The following MEF2A variants were observed in gnomAD, a reference collection of about 807,000 sequenced individuals.
MEF2A encodes myocyte enhancer factor 2A, also known as myocyte-specific enhancer factor 2A.
Under a neutral mutation model 55.8 loss-of-function variants are expected in MEF2A, and 28 were observed. The ratio of observed to expected loss-of-function variants is 0.50; its 90% CI spans 0.37 to 0.69. The LOEUF is 0.69. Among genes scored for constraint, MEF2A ranks in the 30% least tolerant of loss-of-function variants. MEF2A has a pLI of 0.00. For synonymous variants in MEF2A, 239 were observed against 227.1 expected (o/e 1.05, Z -0.47); for missense variants, 528 against 626.2 (o/e 0.84, Z 1.67).
intron 1 of MEF2A, among the ~76,000 whole-genome samples, chr15:99,575,339 C>T (rs1298600068): frequency 6.6e-6 from 1 of 151,968 alleles, no homozygotes; most frequent in Non-Finnish European, 1.5e-5. Flanking sequence ...TGAAACAGTT[C>T]TTCAGCCTTT....
At chr15:99,595,855 A>G (rs934266738) in intron 1 of MEF2A, among the ~76,000 whole-genome samples, 2 of 152,316 alleles carry the variant, frequency 1.3e-5, no homozygotes, top group Admixed American at 6.5e-5. Flanking sequence ...AGTCTCAGCA[A>G]TGGCTTGTTG....
At chr15:99,699,980 G>T (rs1567483180) in intron 8 of MEF2A, among the ~76,000 whole-genome samples, 1 of 99,044 alleles carries the variant, frequency 1.0e-5, no homozygotes, top group African/African-American at 2.9e-5. Flanking sequence ...GTGTGTGTGT[G>T]TGTGTATATA....
rs142835105 is a variant in MEF2A, at chr15:99,691,487, C to T, written c.858+1059C>T. On this transcript the variant is annotated intron_variant, in intron 8 of 11. Transcript: ENST00000557942. ...CCAGGGCGGGCGGATCACCTGAGGTCAGGAGTTCAAGACCAGCCTGGCCAA... is the reference window on the plus strand; with the variant it reads ...CCAGGGCGGGCGGATCACCTGAGGTTAGGAGTTCAAGACCAGCCTGGCCAA... Among the ~76,000 whole-genome samples, 398 of 152,136 alleles carry T rather than the reference C, an allele frequency of 2.6e-3. 6 individuals carry two copies. In the East Asian group the frequency reaches 0.029, roughly 11 times the overall value.
chr15:99,704,976 TATAAAC>T (rs2057852743), intron 9 of MEF2A, among the ~76,000 whole-genome samples: 1 of 152,208 alleles, frequency 6.6e-6, no homozygotes, highest in Non-Finnish European at 1.5e-5. Context: ...CCTAAAAACT[TATAAAC>T]AGCCATTTAT....
At chr15:99,644,076 T>A (rs1419854466) in intron 3 of MEF2A, among the ~76,000 whole-genome samples, 2 of 152,238 alleles carry the variant, frequency 1.3e-5, no homozygotes, top group Non-Finnish European at 2.9e-5. Flanking sequence ...TTCAGTTTAC[T>A]AGCTAACAGA....
At chr15:99,634,636 G>A (rs1170664502) in intron 3 of MEF2A, among the ~76,000 whole-genome samples, 1 of 152,206 alleles carries the variant, frequency 6.6e-6, no homozygotes, top group Non-Finnish European at 1.5e-5. Flanking sequence ...CCTACCTATG[G>A]AAGGGATTCA....
At chr15:99,696,420 GA>G (rs560385775) in intron 8 of MEF2A, among the ~76,000 whole-genome samples, 27 of 152,190 alleles carry the variant, frequency 1.8e-4, no homozygotes, top group African/African-American at 5.8e-4. Context: ...TGGCCATAAG[GA>G]AATCAAACTA....
At chr15:99,569,939 A>G (rs67074319) in intron 1 of MEF2A, among the ~76,000 whole-genome samples, 9,250 of 151,858 alleles carry the variant, frequency 0.061, 359 homozygotes, top group East Asian at 0.18. Flanking sequence ...CCATTTGTTA[A>G]TTAGTAAATC....
intron 5 of MEF2A, 23 bp from the exon 6 acceptor site, chr15:99,674,370 T>G: frequency 6.4e-7 from 1 of 1,574,464 alleles, no homozygotes; most frequent in Non-Finnish European, 8.6e-7. Flanking sequence ...AACAGTTTTT[T>G]CCTTCTTTTT....
chr15:99,630,333 T>C (rs920059491), intron 2 of MEF2A, among the ~76,000 whole-genome samples: 1 of 152,152 alleles, frequency 6.6e-6, no homozygotes, highest in Non-Finnish European at 1.5e-5. Context: ...TTTCCTGTCT[T>C]CTGGGTTGAT....
At chr15:99,620,842 TC>T (rs1453687262) in intron 2 of MEF2A, 1 of 144,568 alleles carries the variant, frequency 6.9e-6, no homozygotes, top group African/African-American at 2.5e-5. Context: ...CTCACAAACA[TC>T]TTTTTTTTTT....
At chr15:99,699,247 G>A (rs2056998046) in intron 8 of MEF2A, among the ~76,000 whole-genome samples, 1 of 152,126 alleles carries the variant, frequency 6.6e-6, no homozygotes. Context: ...ATAAAGAAAT[G>A]CTACTCAGCA....
At chr15:99,599,537 C>G (rs147258293) in intron 2 of MEF2A, among the ~76,000 whole-genome samples, 4 of 152,118 alleles carry the variant, frequency 2.6e-5, no homozygotes, top group African/African-American at 9.6e-5. Context: ...ATTCTGACAT[C>G]AGTTTCATAT....
At chr15:99,612,059 T>G (rs1485125315) in intron 2 of MEF2A, among the ~76,000 whole-genome samples, 1 of 152,080 alleles carries the variant, frequency 6.6e-6, no homozygotes, top group African/African-American at 2.4e-5. Flanking sequence ...CTTTTTGGGA[T>G]GATAAAAATG....
intron 2 of MEF2A, among the ~76,000 whole-genome samples, chr15:99,610,661 AT>A (rs922600827): frequency 5.3e-5 from 8 of 151,982 alleles, no homozygotes; most frequent in Admixed American, 2.0e-4. Flanking sequence ...TGGCCAATTG[AT>A]TTTTTTTAAT....
At chr15:99,628,215 G>A (rs1414807898) in intron 2 of MEF2A, among the ~76,000 whole-genome samples, 1 of 152,076 alleles carries the variant, frequency 6.6e-6, no homozygotes, top group Non-Finnish European at 1.5e-5. Context: ...CCATGTATAT[G>A]TATCTAGTGT....
At position 99,633,040 on chromosome 15, in the gene MEF2A, C is replaced by T. The variant is rs777375022; in HGVS notation, c.-80C>T. 2.9e-4 allele frequency: 338 copies of T among 1,149,516 alleles called. No individual in the cohort carries two copies. The highest frequency in any genetic ancestry group is 3.7e-4 in the Non-Finnish European group (295 of 794,038). The allele number at this position is 1,149,516 out of a possible 1,614,324, so 71.2% of individuals were successfully genotyped here. A position where few individuals can be genotyped will look rare whatever the true frequency, so the allele number is the denominator to read the frequency against. On this transcript the variant is annotated 5_prime_UTR_variant, in exon 3 of 12. It adds an upstream start codon to the 5' untranslated region. Transcript: ENST00000557942. Reference sequence around the variant, plus strand: ...AAGCTGAAATAACAGAAGCTGTGTACGATGCATTAGGGTATTGAAGAAAAT... The same window carrying T: ...AAGCTGAAATAACAGAAGCTGTGTATGATGCATTAGGGTATTGAAGAAAAT...
chr15:99,583,645 G>A (rs761462833), intron 1 of MEF2A, among the ~76,000 whole-genome samples: 4 of 151,922 alleles, frequency 2.6e-5, no homozygotes, highest in Non-Finnish European at 2.9e-5. Flanking sequence ...CTTAGCATTT[G>A]GGAAGTCACA....
intron 5 of MEF2A, among the ~76,000 whole-genome samples, chr15:99,673,942 A>G (rs2051379207): frequency 6.6e-6 from 1 of 152,050 alleles, no homozygotes; most frequent in Admixed American, 6.6e-5. Flanking sequence ...CAGATTTGAC[A>G]TATTAAGTTA....
Sources: allele counts gnomAD v4.1 joint callset (sites outside exome capture counted in the v4.1 genomes callset), GRCh38; gene constraint gnomAD v4.1.1; transcripts MANE v1.5; gene names NCBI Gene and HGNC (gene_info 2026-07-23, HGNC 2026-07-21).